GLIS3: variants seen among roughly 807,000 people sequenced by gnomAD.
The protein encoded by GLIS3 is zinc finger protein GLIS3.
A neutral mutation model predicts 78.6 loss-of-function variants in GLIS3; 53 were observed. That is an observed-to-expected ratio of 0.67 (90% CI 0.54 to 0.85). The LOEUF is 0.85. Among genes scored for constraint, GLIS3 ranks in the 40% least tolerant of loss-of-function variants. The pLI is 0.00. For synonymous variants in GLIS3, 684 were observed against 509.9 expected (o/e 1.34, Z -4.60); for missense variants, 1,703 against 1,231.1 (o/e 1.38, Z -5.74).
intron 2 of GLIS3, among the ~76,000 whole-genome samples, chr9:4,148,006 A>G (rs139677967): frequency 6.6e-6 from 1 of 152,292 alleles, no homozygotes; most frequent in Non-Finnish European, 1.5e-5. Flanking sequence ...AAGCAAACAC[A>G]TTAGCAAACC....
intron 9 of GLIS3, among the ~76,000 whole-genome samples, chr9:3,834,486 A>C (rs1211230937): frequency 6.6e-6 from 1 of 152,160 alleles, no homozygotes; most frequent in Non-Finnish European, 1.5e-5. Flanking sequence ...TTGAATTTTA[A>C]TTAATTCAAA....
At chr9:3,924,636 A>G (rs1825103820) in intron 6 of GLIS3, among the ~76,000 whole-genome samples, 1 of 152,352 alleles carries the variant, frequency 6.6e-6, no homozygotes, top group Non-Finnish European at 1.5e-5. Context: ...GCCCATGGAT[A>G]TCAATGACAT....
chr9:3,868,346 A>G (rs1298601374), intron 8 of GLIS3, among the ~76,000 whole-genome samples: 2 of 150,994 alleles, frequency 1.3e-5, no homozygotes, highest in East Asian at 3.8e-4. Flanking sequence ...GATGTTCATC[A>G]CTTTGTCTTC....
intron 2 of GLIS3, among the ~76,000 whole-genome samples, chr9:4,250,139 G>T (rs1381864408): frequency 1.3e-5 from 2 of 152,170 alleles, no homozygotes; most frequent in Non-Finnish European, 2.9e-5. Context: ...CTCATAAAAT[G>T]AGTTAGGGAG....
intron 9 of GLIS3, 178 bp downstream of exon 9, chr9:3,855,831 G>A (rs1819745257): frequency 1.4e-6 from 1 of 709,788 alleles, no homozygotes; most frequent in Non-Finnish European, 2.5e-6. Flanking sequence ...TCAGGCCAAA[G>A]TCAGGAAAAT....
intron 9 of GLIS3, among the ~76,000 whole-genome samples, chr9:3,838,924 A>C (rs552514444): frequency 6.6e-6 from 1 of 152,160 alleles, no homozygotes; most frequent in Non-Finnish European, 1.5e-5. Context: ...CACACAGATA[A>C]CGTTGCTGAA....
At chr9:4,083,898 A>G (rs1828770402) in intron 4 of GLIS3, among the ~76,000 whole-genome samples, 1 of 152,194 alleles carries the variant, frequency 6.6e-6, no homozygotes. Context: ...CCAGAATAAA[A>G]GCCAACGCAT....
intron 2 of GLIS3, among the ~76,000 whole-genome samples, chr9:4,191,271 G>A (rs1322331109): frequency 6.6e-6 from 1 of 152,118 alleles, no homozygotes; most frequent in Non-Finnish European, 1.5e-5. Flanking sequence ...CCATCAGTGT[G>A]CTGTATTTAG....
chr9:4,017,311 C>G (rs773784994), intron 4 of GLIS3, among the ~76,000 whole-genome samples: 2 of 152,132 alleles, frequency 1.3e-5, no homozygotes, highest in Non-Finnish European at 2.9e-5. Flanking sequence ...TACTCTGCAG[C>G]AGGAATAGCA....
intron 2 of GLIS3, among the ~76,000 whole-genome samples, chr9:4,132,549 C>T (rs963061122): frequency 2.6e-5 from 4 of 151,866 alleles, no homozygotes; most frequent in African/African-American, 9.7e-5. Context: ...AAGCAACCAA[C>T]AATAACGTTA....
intron 3 of GLIS3, among the ~76,000 whole-genome samples, chr9:4,119,916 A>G (rs1832051305): frequency 6.6e-6 from 1 of 152,272 alleles, no homozygotes. Flanking sequence ...AATTGAGAAG[A>G]AAAGATACGT....
At chr9:3,903,415 G>T (rs1165448331) in intron 6 of GLIS3, among the ~76,000 whole-genome samples, 1 of 152,214 alleles carries the variant, frequency 6.6e-6, no homozygotes, top group African/African-American at 2.4e-5. Context: ...TGAAACCACT[G>T]ATTGTCAATT....
the GLIS3 span, among the ~76,000 whole-genome samples, chr9:4,361,122 G>T: frequency 6.6e-6 from 1 of 152,188 alleles, no homozygotes; most frequent in Non-Finnish European, 1.5e-5. Flanking sequence ...TAGGGCCGAT[G>T]CACTCATTCC....
At chr9:4,115,214 C>G (rs917101880) in intron 4 of GLIS3, among the ~76,000 whole-genome samples, 2 of 152,172 alleles carry the variant, frequency 1.3e-5, no homozygotes, top group African/African-American at 2.4e-5. Flanking sequence ...AAATGACTAA[C>G]TCTATCATAC....
At chr9:4,283,770 T>C (rs73382402) in intron 2 of GLIS3, among the ~76,000 whole-genome samples, 4,140 of 152,292 alleles carry the variant, frequency 0.027, 151 homozygotes, top group African/African-American at 0.086. Context: ...AGTATAGGAA[T>C]TGTCAACCAA....
At chr9:4,312,889 A>G (rs1055993939) in intron 2 of GLIS3, among the ~76,000 whole-genome samples, 5 of 152,214 alleles carry the variant, frequency 3.3e-5, no homozygotes, top group Admixed American at 3.3e-4. Context: ...TACATATATT[A>G]GTTCATTTAA....
At chr9:4,211,736 T>C (rs568490610) in intron 2 of GLIS3, among the ~76,000 whole-genome samples, 1 of 152,364 alleles carries the variant, frequency 6.6e-6, no homozygotes, top group Non-Finnish European at 1.5e-5. Flanking sequence ...ATAGCAGCAC[T>C]GTTCATAACA....
the GLIS3 span, among the ~76,000 whole-genome samples, chr9:4,353,429 G>A: frequency 6.6e-6 from 1 of 152,170 alleles, no homozygotes; most frequent in Non-Finnish European, 1.5e-5. Context: ...AACTACTCAA[G>A]TCCATTGAGC....
At chr9:4,017,748 C>T (rs1484526661) in intron 4 of GLIS3, among the ~76,000 whole-genome samples, 2 of 152,140 alleles carry the variant, frequency 1.3e-5, no homozygotes, top group South Asian at 4.1e-4. Flanking sequence ...AGGGGATATA[C>T]CCCTCCTAAA....
Sources: gnomAD v4.1 joint callset for allele counts (sites outside exome capture counted in the v4.1 genomes callset) on GRCh38, gnomAD v4.1.1 for gene constraint, MANE v1.5 for transcripts, NCBI Gene and HGNC (gene_info 2026-07-23, HGNC 2026-07-21) for gene names.